C4B: variants seen among roughly 807,000 people sequenced by gnomAD.
C4B encodes complement C4B (Chido/Rodgers blood group), also known as complement C4-B.
C4B carries 6 observed loss-of-function variants against 46.2 expected under a neutral mutation model. That is an observed-to-expected ratio of 0.13 (90% CI 0.07 to 0.26). The LOEUF (loss-of-function observed/expected upper bound fraction) is 0.26, where lower values mean the gene tolerates loss of function less well. Among genes scored for constraint, C4B ranks in the 10% least tolerant of loss-of-function variants. C4B has a pLI of 1.00. For synonymous variants in C4B, 61 were observed against 240.1 expected (o/e 0.25, Z 6.90); for missense variants, 119 against 560.9 (o/e 0.21, Z 7.96).
intron 26 of C4B, 42 bp downstream of exon 26, chr6:32,028,891 G>A (rs1305318247): frequency 6.4e-7 from 1 of 1,566,274 alleles, no homozygotes; most frequent in Non-Finnish European, 8.7e-7. Context: ...GCCTGTCGGA[G>A]GACTCTCTTT....
Position 32,028,816 on chromosome 6 carries a change from G to A in C4B, c.3354G>A (p.Gln1118=). ...AGCAGCAGGCTGACGGCTCGTTCCA[G>A]GACCTCTCTCCAGTGATACATAGGA... The part of the protein sequence containing the change: ...LSQQQADGSF[Q]DLSPVIHRSM... The change falls in exon 26 of 41, where the codon CAG becomes CAA. Residue 1118 remains glutamine (Q), a synonymous_variant. Coordinates refer to ENST00000435363, the MANE Select transcript of C4B (RefSeq NM_001002029.4). 6.4e-7 allele frequency: 1 copy of A among 1,562,246 alleles called. No individual in the cohort carries two copies.
At position 32,029,345 on chromosome 6, in the gene C4B, G is replaced by T. The variant is rs759872188; in HGVS notation, c.3676+7G>T. 5 of 1,535,614 alleles carry T rather than the reference G, an allele frequency of 3.3e-6. No homozygotes were observed. In the South Asian group the frequency reaches 4.6e-5, roughly 14 times the overall value. On this transcript the variant is annotated splice_region_variant and intron_variant, in intron 28 of 40. Transcript: ENST00000435363. ...ATGGCCCAGGAGACTGGAGGTGAGG[G>T]GTGAGGGGCTCTGGCAGTGAGCCTG...
In C4B at chr6:32,028,775, A is replaced by G; in HGVS notation, c.3313A>G (p.Asn1105Asp). ...GCCTGAGAAACTGCAGGAGACATCT[A>G]ACTGGCTTCTGTCCCAGCAGCAGGC... ...GSPEKLQETS[N>D]WLLSQQQADG... is the part of the protein sequence containing the mutation. Residue 1105 changes from asparagine to aspartate, a missense_variant, in exon 26 of 41, where the codon AAC (asparagine) becomes GAC (aspartate). Physicochemically the swap from Asn to Asp is conservative, Grantham distance 23 (BLOSUM62 1). Transcript: ENST00000435363. The G allele has an allele frequency of 6.4e-7, 1 of 1,563,766 alleles. No homozygotes were observed. Among genetic ancestry groups the G allele is most frequent in the Non-Finnish European group, 8.7e-7 (1 of 1,145,370 alleles).
In C4B at chr6:32,029,148, T is replaced by C. The variant is rs750925435; in HGVS notation, c.3505-19T>C. Reference sequence around the variant, plus strand: ...ACCCAGGGGTCCAGGCCCAAGACCCTCCTCCCGTTTTCTTCCAGGAAGCCT... The same window carrying C: ...ACCCAGGGGTCCAGGCCCAAGACCCCCCTCCCGTTTTCTTCCAGGAAGCCT... On this transcript the variant is annotated intron_variant, in intron 27 of 40. Transcript: ENST00000435363. 6.3e-7 allele frequency: 1 copy of C among 1,588,842 alleles called. No individual in the cohort carries two copies. Among genetic ancestry groups the C allele is most frequent in the Non-Finnish European group, 8.6e-7 (1 of 1,162,470 alleles).
At chr6:32,028,882 C>T (rs1479029687) in intron 26 of C4B, 33 bp downstream of exon 26, 4 of 1,565,172 alleles carry the variant, frequency 2.6e-6, no homozygotes, top group Non-Finnish European at 3.5e-6. Flanking sequence ...CCGAGAAGCG[C>T]CTGTCGGAGG....
chr6:32,028,635 G>A, intron 25 of C4B, 58 bp from the exon 26 acceptor site: 2 of 1,461,412 alleles, frequency 1.4e-6, no homozygotes, highest in South Asian at 1.2e-5. Context: ...GGCACCTGGG[G>A]GCGTGGGCAT....
chr6:32,028,887 C>T lies in C4B; in HGVS notation c.3387+38C>T, dbSNP rs759360321. ...TGGGGCTGGCCCGAGAAGCGCCTGT[C>T]GGAGGACTCTCTTTGCCCCTTCCCC... is the stretch of plus-strand genomic sequence containing the variant. On this transcript the variant is annotated intron_variant, in intron 26 of 40. Coordinates refer to ENST00000435363, the MANE Select transcript of C4B (RefSeq NM_001002029.4). 5.7e-6 allele frequency: 9 copies of T among 1,565,806 alleles called. 1 individual carries two copies. The highest frequency in any genetic ancestry group is 1.4e-5 in the African/African-American group (1 of 71,706).
Position 32,029,289 on chromosome 6 carries a change from G to A in C4B, c.3627G>A (p.Leu1209=), listed in dbSNP as rs1451644523. The A allele has an allele frequency of 3.2e-6, 5 of 1,567,040 alleles. No homozygotes were observed. Among genetic ancestry groups the A allele is most frequent in the South Asian group, 1.1e-5 (1 of 88,270 alleles). Residue 1209 remains leucine, a synonymous_variant, in exon 28 of 41, where the codon CTG becomes CTA. Transcript: ENST00000435363. ...CACTGACCAAGGCCCCTGCGGACCT[G>A]CGGGGTGTTGCCCACAACAACCTCA... ...ALTLTKAPAD[L]RGVAHNNLMA...
In C4B at chr6:32,028,443, C is replaced by T; in HGVS notation, c.3155-14C>T. 1 of 1,508,412 alleles carries T rather than the reference C, an allele frequency of 6.6e-7. No homozygotes were observed. The highest frequency in any genetic ancestry group is 1.2e-5 in the South Asian group (1 of 86,864). 93.4% of individuals were successfully genotyped at this position (1,508,412 alleles called of 1,614,324 possible). A position where few individuals can be genotyped will look rare whatever the true frequency, so the allele number is the denominator to read the frequency against. On this transcript the variant is annotated splice_polypyrimidine_tract_variant and intron_variant, in intron 24 of 40. Transcript: ENST00000435363. ...GGGTGAGTGTCACCTGAGCGGCCAC[C>T]TCTCCTCTCCAAGGCTACATGCGGA...
At position 32,028,751 on chromosome 6, in the gene C4B, C is replaced by A; in HGVS notation, c.3289C>A (p.Pro1097Thr). 16 of 1,558,536 alleles carry A rather than the reference C, an allele frequency of 1.0e-5. 2 individuals carry two copies. Among genetic ancestry groups the A allele is most frequent in the Non-Finnish European group, 1.4e-5 (16 of 1,142,964 alleles). ...GGCCCAGGAGCAGGTAGGAGGCTCG[C>A]CTGAGAAACTGCAGGAGACATCTAA... is the stretch of plus-strand genomic sequence containing the variant. ...SLAQEQVGGSPEKLQETSNWL... is the reference protein window; with the variant it reads ...SLAQEQVGGSTEKLQETSNWL... The change falls in exon 26 of 41, where the codon CCT (proline) becomes ACT (threonine). Residue 1097 changes from proline (P) to threonine (T), a missense_variant. Transcript: ENST00000435363.
At position 32,029,869 on chromosome 6, in the gene C4B, C is replaced by G; in HGVS notation, c.3910-12C>G. On this transcript the variant is annotated splice_polypyrimidine_tract_variant and intron_variant, in intron 29 of 40. Coordinates refer to ENST00000435363, the MANE Select transcript of C4B (RefSeq NM_001002029.4). The stretch of plus-strand genomic sequence containing the variant: ...CCAAGGGCTTGCTTGAGTCCTGGCT[C>G]AACCTCCCTAGGACACGGTGATTGC... The G allele has an allele frequency of 6.3e-7, 1 of 1,586,232 alleles. No individual in the cohort carries two copies. Among genetic ancestry groups the G allele is most frequent in the Non-Finnish European group, 8.6e-7 (1 of 1,164,534 alleles).
chr6:32,028,857 C>T lies in C4B; in HGVS notation c.3387+8C>T. Reference sequence around the variant, plus strand: ...ATACATAGGAGCATGCAGGTGCGGGCATGCTGGGGCTGGCCCGAGAAGCGC... The same window carrying T: ...ATACATAGGAGCATGCAGGTGCGGGTATGCTGGGGCTGGCCCGAGAAGCGC... On this transcript the variant is annotated splice_region_variant and intron_variant, in intron 26 of 40. Transcript: ENST00000435363. 1 of 1,563,552 alleles carries T rather than the reference C, an allele frequency of 6.4e-7. No homozygotes were observed.
chr6:32,028,726 G>C lies in C4B; in HGVS notation c.3264G>C (p.Leu1088Phe). 1 of 1,551,550 alleles carries C rather than the reference G, an allele frequency of 6.4e-7. No homozygotes were observed. The highest frequency in any genetic ancestry group is 1.1e-5 in the South Asian group (1 of 87,900). The change falls in exon 26 of 41, where the codon TTG (leucine) becomes TTC (phenylalanine). Residue 1088 changes from leucine to phenylalanine, a missense_variant. Coordinates refer to ENST00000435363, the MANE Select transcript of C4B (RefSeq NM_001002029.4). ...CCTTTGTGTTGAAGGTCCTGAGTTT[G>C]GCCCAGGAGCAGGTAGGAGGCTCGC... Reference protein sequence around the residue: ...LTAFVLKVLSLAQEQVGGSPE... With the variant: ...LTAFVLKVLSFAQEQVGGSPE...
chr6:32,028,519 G>C lies in C4B; in HGVS notation c.3217G>C (p.Gly1073Arg). The change falls in exon 25 of 41, where the codon GGC (glycine) becomes CGC (arginine). Residue 1073 changes from glycine to arginine, a missense_variant. By Grantham distance (125) the Gly-to-Arg change is moderately radical. Coordinates refer to ENST00000435363, the MANE Select transcript of C4B (RefSeq NM_001002029.4). ...DGSYAAWLSR[G>R]SSTWLTAFVL... ...TTCCTATGCGGCTTGGTTGTCACGG[G>C]GCAGCAGCACCTGGTGAGCTTGGGA... The C allele has an allele frequency of 3.2e-6, 5 of 1,538,460 alleles. 1 individual carries two copies. The highest frequency in any genetic ancestry group is 4.4e-6 in the Non-Finnish European group (5 of 1,124,106).
Position 32,028,946 on chromosome 6 carries a change from G to A in C4B, c.3389G>A (p.Gly1130Glu). 2.6e-6 allele frequency: 4 copies of A among 1,555,956 alleles called. No individual in the cohort carries two copies. The highest frequency in any genetic ancestry group is 3.5e-6 in the Non-Finnish European group (4 of 1,136,320). ...TGACATCTTTTCTCCCCTTACTAGGGGGGTTTGGTGGGCAATGATGAGACT... is the reference window on the plus strand; with the variant it reads ...TGACATCTTTTCTCCCCTTACTAGGAGGGTTTGGTGGGCAATGATGAGACT... ...LSPVIHRSMQ[G>E]GLVGNDETVA... Residue 1130 changes from glycine to glutamate, a missense_variant and splice_region_variant, in exon 27 of 41, where the codon GGG becomes GAG. By Grantham distance (98) the Gly-to-Glu change is moderately conservative (BLOSUM62 -2). Transcript: ENST00000435363.
rs773754400 is a variant in C4B, at chr6:32,029,131, G to A, written c.3505-36G>A. On this transcript the variant is annotated intron_variant, in intron 27 of 40. Transcript: ENST00000435363. ...TCCCTTTTTCCTCAGGAACCCAGGGGTCCAGGCCCAAGACCCTCCTCCCGT... is the reference window on the plus strand; with the variant it reads ...TCCCTTTTTCCTCAGGAACCCAGGGATCCAGGCCCAAGACCCTCCTCCCGT... 1.5e-4 allele frequency: 238 copies of A among 1,586,770 alleles called. 25 individuals carry two copies. The highest frequency in any genetic ancestry group is 1.9e-4 in the Non-Finnish European group (220 of 1,161,448).
rs185134793 is a variant in C4B, at chr6:32,028,853, C to T, written c.3387+4C>T. ...AGTGATACATAGGAGCATGCAGGTG[C>T]GGGCATGCTGGGGCTGGCCCGAGAA... On this transcript the variant is annotated splice_donor_region_variant and intron_variant, in intron 26 of 40. Transcript: ENST00000435363. The T allele has an allele frequency of 7.8e-4, 1,218 of 1,563,148 alleles. 175 individuals carry two copies. In the African/African-American group the frequency reaches 0.013, roughly 17 times the overall value.
intron 26 of C4B, 32 bp downstream of exon 26, chr6:32,028,881 G>A (rs563202573): frequency 8.9e-6 from 14 of 1,565,022 alleles, no homozygotes; most frequent in South Asian, 4.5e-5. Context: ...CCCGAGAAGC[G>A]CCTGTCGGAG....
At chr6:32,028,603 A>G in intron 25 of C4B, 71 bp downstream of exon 25, 1 of 1,466,772 alleles carries the variant, frequency 6.8e-7, no homozygotes, top group Non-Finnish European at 9.4e-7. Flanking sequence ...CAGAGCTGGT[A>G]TGATGGGAGG....
Sources: allele counts gnomAD v4.1 joint callset, GRCh38; gene constraint gnomAD v4.1.1; transcripts MANE v1.5; gene names NCBI Gene and HGNC (gene_info 2026-07-23, HGNC 2026-07-21).